PLCH1: variants seen among roughly 807,000 people sequenced by gnomAD.
PLCH1 encodes the protein phospholipase C eta 1.
PLCH1 carries 60 observed loss-of-function variants against 126.7 expected under a neutral mutation model. That is an observed-to-expected ratio of 0.47 (90% CI 0.38 to 0.59). PLCH1 has a LOEUF of 0.59. PLCH1 is among the 20% of genes least tolerant of loss of function. The pLI is 0.00. For missense variants in PLCH1, 1,723 were observed against 2,040.0 expected (o/e 0.84, Z 2.99); for synonymous variants, 719 against 734.9 (o/e 0.98, Z 0.35).
chr3:155,608,727 G>A (rs1031680415), intron 2 of PLCH1, among the ~76,000 whole-genome samples: 3 of 152,064 alleles, frequency 2.0e-5, no homozygotes, highest in African/African-American at 4.8e-5. Context: ...GCTCAGACCC[G>A]CCTGATCCTG....
At chr3:155,651,686 T>C (rs1230956750) in intron 2 of PLCH1, among the ~76,000 whole-genome samples, 1 of 152,204 alleles carries the variant, frequency 6.6e-6, no homozygotes, top group Admixed American at 6.5e-5. Flanking sequence ...TTATTTACTT[T>C]GTTTCCAGAT....
chr3:155,613,631 T>A (rs1239396777), intron 2 of PLCH1, among the ~76,000 whole-genome samples: 1 of 152,076 alleles, frequency 6.6e-6, no homozygotes, highest in African/African-American at 2.4e-5. Context: ...TCAGCAAAAC[T>A]GCCGTAGAAG....
chr3:155,715,960 C>T (rs1235360422), intron 1 of PLCH1, among the ~76,000 whole-genome samples: 1 of 152,062 alleles, frequency 6.6e-6, no homozygotes, highest in Non-Finnish European at 1.5e-5. Context: ...CTAATTTCAA[C>T]GTTTAACTGT....
intron 6 of PLCH1, 88 bp from the exon 7 acceptor site, chr3:155,568,412 C>A: frequency 3.2e-6 from 2 of 625,154 alleles, no homozygotes; most frequent in Non-Finnish European, 5.8e-6. Flanking sequence ...ATTTTGCATT[C>A]TTCACACCGT....
intron 1 of PLCH1, among the ~76,000 whole-genome samples, chr3:155,715,598 T>C (rs1330017504): frequency 6.7e-6 from 1 of 149,742 alleles, no homozygotes; most frequent in Non-Finnish European, 1.5e-5. Flanking sequence ...AGCCACCACA[T>C]CTGGCCTCTT....
At chr3:155,681,384 T>G (rs567234704) in intron 2 of PLCH1, among the ~76,000 whole-genome samples, 92 of 152,316 alleles carry the variant, frequency 6.0e-4, no homozygotes, top group African/African-American at 2.1e-3. Context: ...TTGAGTAGAT[T>G]AGGTACAACC....
chr3:155,460,824 A>AGATG (rs1553788768), intron 21 of PLCH1, among the ~76,000 whole-genome samples: 26 of 151,694 alleles, frequency 1.7e-4, no homozygotes, highest in Middle Eastern at 3.4e-3. Context: ...ATAGATAGAT[A>AGATG]GATAGATAGA....
chr3:155,604,825 A>T (rs974956026), intron 2 of PLCH1, among the ~76,000 whole-genome samples: 5 of 152,200 alleles, frequency 3.3e-5, no homozygotes, highest in Non-Finnish European at 7.3e-5. Context: ...GCTTCTGGCC[A>T]TTCTCTGTGC....
chr3:155,739,216 A>G (rs1161087032), intron 1 of PLCH1, among the ~76,000 whole-genome samples: 1 of 152,206 alleles, frequency 6.6e-6, no homozygotes, highest in African/African-American at 2.4e-5. Flanking sequence ...AGTTTGAAAA[A>G]CATTGCAAAA....
intron 2 of PLCH1, among the ~76,000 whole-genome samples, chr3:155,694,970 T>A (rs985998670): frequency 6.6e-6 from 1 of 150,984 alleles, no homozygotes; most frequent in Non-Finnish European, 1.5e-5. Context: ...TTTTTTTTTT[T>A]AATGCAGGTC....
intron 2 of PLCH1, among the ~76,000 whole-genome samples, chr3:155,625,200 C>A (rs1424478013): frequency 6.6e-6 from 1 of 152,102 alleles, no homozygotes; most frequent in Non-Finnish European, 1.5e-5. Context: ...AAGCAGAATG[C>A]TGAAATTGGA....
At chr3:155,550,634 G>A (rs1296073997) in intron 9 of PLCH1, among the ~76,000 whole-genome samples, 1 of 152,180 alleles carries the variant, frequency 6.6e-6, no homozygotes. Flanking sequence ...GGCTAAGGCA[G>A]AAAGGAGATC....
chr3:155,640,965 T>A (rs1739326386), intron 2 of PLCH1, among the ~76,000 whole-genome samples: 2 of 152,184 alleles, frequency 1.3e-5, no homozygotes. Flanking sequence ...GTAGCAGATA[T>A]TTTGCTAATT....
chr3:155,673,602 A>T (rs1433303669), intron 2 of PLCH1, among the ~76,000 whole-genome samples: 1 of 152,212 alleles, frequency 6.6e-6, no homozygotes, highest in Non-Finnish European at 1.5e-5. Flanking sequence ...AGCTCTCATG[A>T]TCTGGGAATT....
chr3:155,533,998 CA>C (rs1414413561), intron 10 of PLCH1, among the ~76,000 whole-genome samples: 12 of 152,226 alleles, frequency 7.9e-5, no homozygotes, highest in African/African-American at 2.7e-4. Flanking sequence ...AAGTATGCTA[CA>C]GGGGTGGAGC....
chr3:155,605,092 C>A (rs1261091205), intron 2 of PLCH1, among the ~76,000 whole-genome samples: 2 of 152,196 alleles, frequency 1.3e-5, no homozygotes, highest in East Asian at 3.8e-4. Context: ...GAAACAAAAA[C>A]TGAATGAGGT....
At chr3:155,655,694 C>T (rs9811329) in intron 2 of PLCH1, among the ~76,000 whole-genome samples, 52,528 of 151,888 alleles carry the variant, frequency 0.35, 11,539 homozygotes, top group African/African-American at 0.63. Context: ...GCATAGCCAA[C>T]CCTAGAATCG....
chr3:155,486,019 C>A (rs1715018335), intron 21 of PLCH1: 2 of 662,470 alleles, frequency 3.0e-6, no homozygotes, highest in Non-Finnish European at 5.2e-6. Flanking sequence ...ACTTCAGGCG[C>A]CTTAAAGCAA....
chr3:155,621,169 G>T (rs1354931616), intron 2 of PLCH1, among the ~76,000 whole-genome samples: 1 of 152,172 alleles, frequency 6.6e-6, no homozygotes. Flanking sequence ...CAGCAGAGGG[G>T]CCTGACTGTT....
Sources: gnomAD v4.1 joint callset for allele counts (sites outside exome capture counted in the v4.1 genomes callset) on GRCh38, gnomAD v4.1.1 for gene constraint, MANE v1.5 for transcripts, NCBI Gene and HGNC (gene_info 2026-07-23, HGNC 2026-07-21) for gene names.